The following MOBP variants were observed in gnomAD, a reference collection of about 807,000 sequenced individuals.
MOBP encodes myelin associated oligodendrocyte basic protein, also known as myelin-associated oligodendrocyte basic protein.
In MOBP, 5 loss-of-function variants were observed where a neutral mutation model predicts 15.0. The ratio of observed to expected loss-of-function variants is 0.33; its 90% CI spans 0.17 to 0.70. MOBP has a LOEUF of 0.70. Among genes scored for constraint, MOBP ranks in the 30% least tolerant of loss-of-function variants. The probability of loss-of-function intolerance (pLI) is 0.67; values close to 1 mark genes in which losing one functional copy is unlikely to be tolerated. For missense variants in MOBP, 188 were observed against 257.8 expected (o/e 0.73, Z 1.85); for synonymous variants, 88 against 99.0 (o/e 0.89, Z 0.66).
intron 2 of MOBP, among the ~76,000 whole-genome samples, chr3:39,495,624 G>A (rs72870927): frequency 0.046 from 6,935 of 151,290 alleles, 546 homozygotes; most frequent in African/African-American, 0.16. Context: ...GTAGTAGCAC[G>A]CACCTGTAGT....
At chr3:39,481,080 A>G (rs934512348) in intron 2 of MOBP, among the ~76,000 whole-genome samples, 1 of 152,112 alleles carries the variant, frequency 6.6e-6, no homozygotes, top group African/African-American at 2.4e-5. Flanking sequence ...CATTACTTCA[A>G]TTCTTCTCTT....
intron 2 of MOBP, among the ~76,000 whole-genome samples, chr3:39,486,231 A>G (rs2042706902): frequency 6.6e-6 from 1 of 152,194 alleles, no homozygotes; most frequent in East Asian, 1.9e-4. Flanking sequence ...TGGTTGAGTT[A>G]TCTGACTTCT....
downstream of MOBP, among the ~76,000 whole-genome samples, chr3:39,519,136 CT>C (rs142480174): frequency 0.012 from 1,767 of 152,290 alleles, 16 homozygotes; most frequent in South Asian, 0.021. Context: ...AAGAAAAAGC[CT>C]GGTATCCTGC....
downstream of MOBP, chr3:39,526,333 G>C (rs984601188): frequency 2.0e-5 from 3 of 152,182 alleles, no homozygotes; most frequent in African/African-American, 7.2e-5. Context: ...CTGTTTGTCT[G>C]TTGTGGAAAT....
chr3:39,474,112 G>C (rs926368061), intron 1 of MOBP, among the ~76,000 whole-genome samples: 2 of 152,124 alleles, frequency 1.3e-5, no homozygotes, highest in African/African-American at 4.8e-5. Flanking sequence ...TTCTTCACTT[G>C]GCTGGTTTTC....
At chr3:39,510,196 T>G (rs2043101886) in intron 4 of MOBP, among the ~76,000 whole-genome samples, 2 of 152,162 alleles carry the variant, frequency 1.3e-5, no homozygotes, top group African/African-American at 4.8e-5. Context: ...ATATCTTTCC[T>G]TTCACCAAAG....
chr3:39,518,596 G>C (rs2043229562), downstream of MOBP, among the ~76,000 whole-genome samples: 1 of 152,150 alleles, frequency 6.6e-6, no homozygotes, highest in Non-Finnish European at 1.5e-5. Context: ...CAGTGTCTCT[G>C]AAATACACTG....
chr3:39,468,680 AT>A (rs2042378981), intron 1 of MOBP, among the ~76,000 whole-genome samples: 4 of 127,188 alleles, frequency 3.1e-5, no homozygotes, highest in African/African-American at 9.5e-5. Context: ...ATATATAAAA[AT>A]ATGTGTGTGT....
At chr3:39,496,738 A>T (rs190375848) in intron 2 of MOBP, among the ~76,000 whole-genome samples, 2 of 151,734 alleles carry the variant, frequency 1.3e-5, no homozygotes, top group African/African-American at 4.8e-5. Context: ...ATCTCGGCTC[A>T]CCACAACCTC....
intron 2 of MOBP, among the ~76,000 whole-genome samples, chr3:39,481,547 A>T (rs377586618): frequency 1.1e-4 from 16 of 152,260 alleles, no homozygotes; most frequent in African/African-American, 3.9e-4. Context: ...TTATCTCATT[A>T]CTACAAACAG....
At chr3:39,469,517 C>T (rs1052501032) in intron 1 of MOBP, among the ~76,000 whole-genome samples, 11 of 151,872 alleles carry the variant, frequency 7.2e-5, no homozygotes, top group Admixed American at 1.3e-4. Flanking sequence ...GTCCAAGGAG[C>T]GAATTGAGAA....
downstream of MOBP, among the ~76,000 whole-genome samples, chr3:39,504,217 C>T (rs1172433535): frequency 2.0e-5 from 3 of 152,204 alleles, no homozygotes; most frequent in African/African-American, 4.8e-5. Context: ...TAGTCATTAA[C>T]TGAGTCCCTC....
chr3:39,516,095 A>G (rs1000182677), downstream of MOBP: 3 of 152,242 alleles, frequency 2.0e-5, no homozygotes, highest in Admixed American at 6.5e-5. Context: ...TTTAGCAACA[A>G]GGAACTGTTG....
At chr3:39,528,291 A>G (rs1050876897), downstream of MOBP, 1 of 152,246 alleles carries the variant, frequency 6.6e-6, no homozygotes, top group African/African-American at 2.4e-5. Flanking sequence ...AATATGGAAC[A>G]AGCTTATTTG....
At chr3:39,513,501 G>C (rs2043148587) in exon 5 of MOBP, 1 of 1,402,268 alleles carries the variant, frequency 7.1e-7, no homozygotes, top group Non-Finnish European at 1.0e-6. Flanking sequence ...CCTGGATGAA[G>C]TTATCTGGCT....
At chr3:39,523,374 G>A (rs2043293615) in intron 3 of MOBP, among the ~76,000 whole-genome samples, 1 of 151,666 alleles carries the variant, frequency 6.6e-6, no homozygotes, top group East Asian at 1.9e-4. Context: ...TATTATTCTT[G>A]ATCATTGACA....
At chr3:39,473,635 T>G (rs189891576) in intron 1 of MOBP, among the ~76,000 whole-genome samples, 1 of 152,312 alleles carries the variant, frequency 6.6e-6, no homozygotes, top group Non-Finnish European at 1.5e-5. Context: ...TTGGTTGATT[T>G]GCATATAAAT....
At chr3:39,507,213 T>C (rs2043059964), downstream of MOBP, among the ~76,000 whole-genome samples, 1 of 152,232 alleles carries the variant, frequency 6.6e-6, no homozygotes, top group Admixed American at 6.5e-5. Context: ...GAAAACCTAA[T>C]CTGTCTACAC....
chr3:39,492,270 C>A (rs1161030450), intron 2 of MOBP, among the ~76,000 whole-genome samples: 1 of 152,026 alleles, frequency 6.6e-6, no homozygotes, highest in East Asian at 1.9e-4. Flanking sequence ...AGATGAGGTA[C>A]CCCATGGCAA....
Sources: gnomAD v4.1 joint callset for allele counts (sites outside exome capture counted in the v4.1 genomes callset) on GRCh38, gnomAD v4.1.1 for gene constraint, MANE v1.5 for transcripts, NCBI Gene and HGNC (gene_info 2026-07-23, HGNC 2026-07-21) for gene names.